SPTBN1: variants seen among roughly 807,000 people sequenced by gnomAD.
SPTBN1 encodes the protein spectrin beta chain, non-erythrocytic 1.
Under a neutral mutation model 266.4 loss-of-function variants are expected in SPTBN1, and 32 were observed. That is an observed-to-expected ratio of 0.12 (90% CI 0.09 to 0.16). SPTBN1 has a LOEUF of 0.16. SPTBN1 is among the 10% of genes least tolerant of loss of function. SPTBN1 has a pLI of 1.00. For synonymous variants in SPTBN1, 1,336 were observed against 1,162.2 expected, an observed-to-expected ratio of 1.15 and a Z score of -3.04; for missense variants, 2,296 against 3,067.1, an observed-to-expected ratio of 0.75 and a Z score of 5.94.
At position 54,631,218 on chromosome 2, in the gene SPTBN1, C is replaced by T. The variant is rs760678740; in HGVS notation, c.3171C>T (p.Ser1057=). Residue 1057 remains serine (S), a synonymous_variant, in exon 16 of 36, where the codon TCC becomes TCT. Coordinates refer to ENST00000356805, the MANE Select transcript of SPTBN1 (RefSeq NM_003128.3). Reference sequence around the variant, plus strand: ...CCACCCTGAAAAACCGAGAGGCCTCCCTGGGAGAGGCCAGCAAGCTGCAGC... The same window carrying T: ...CCACCCTGAAAAACCGAGAGGCCTCTCTGGGAGAGGCCAGCAAGCTGCAGC... ...MKTTLKNREA[S]LGEASKLQQF... 1 of 1,614,210 alleles carries T rather than the reference C, an allele frequency of 6.2e-7. No individual in the cohort carries two copies.
At position 54,487,830 on chromosome 2, in the gene SPTBN1, G is replaced by GTC. The variant is rs368004844; in HGVS notation, c.-48+31314_-48+31315dup. Among the ~76,000 whole-genome samples the GTC allele has an allele frequency of 1.2e-3, 7 of 5,946 alleles. 2 individuals are homozygous for GTC. The highest frequency in any genetic ancestry group is 9.1e-3 in the South Asian group (1 of 110). 3.9% of individuals were successfully genotyped at this position (5,946 alleles called of 152,430 possible). A position where few individuals can be genotyped will look rare whatever the true frequency, so the allele number is the denominator to read the frequency against. Reference sequence around the variant, plus strand: ...AATTCACTTGATGGTCTCCTCCTGTGTCTTTTTTTTTTTTTTTGAGACGGA... The same window carrying GTC: ...AATTCACTTGATGGTCTCCTCCTGTGTCTCTTTTTTTTTTTTTTTGAGACGGA... On this transcript the variant is annotated intron_variant, in intron 1 of 35. Coordinates refer to ENST00000356805, the MANE Select transcript of SPTBN1 (RefSeq NM_003128.3).
chr2:54,510,998 C>T (rs1159195042), intron 1 of SPTBN1, among the ~76,000 whole-genome samples: 1 of 152,234 alleles, frequency 6.6e-6, no homozygotes, highest in Non-Finnish European at 1.5e-5. Context: ...CTGTGACTTT[C>T]TGGAAAGTGT....
intron 2 of SPTBN1, 95 bp downstream of exon 2, chr2:54,526,661 C>G (rs180803592): frequency 4.3e-6 from 6 of 1,395,048 alleles, no homozygotes; most frequent in Non-Finnish European, 9.5e-7. Flanking sequence ...CTGTCATGTT[C>G]GAAGGTTGTC....
At chr2:54,578,075 A>AT (rs1674610386) in intron 2 of SPTBN1, among the ~76,000 whole-genome samples, 1 of 152,224 alleles carries the variant, frequency 6.6e-6, no homozygotes, top group Non-Finnish European at 1.5e-5. Context: ...GACTCAGCTG[A>AT]CAGTACAGAC....
chr2:54,522,632 A>AAAAAAAAG (rs1407418539), intron 1 of SPTBN1, among the ~76,000 whole-genome samples: 2 of 93,662 alleles, frequency 2.1e-5, no homozygotes, highest in African/African-American at 4.0e-5. Context: ...CTCTGTCTCA[A>AAAAAAAAG]AAAGAAAGAA....
In SPTBN1 at chr2:54,629,037, G is replaced by A; in HGVS notation, c.1903G>A (p.Glu635Lys). The A allele has an allele frequency of 6.2e-7, 1 of 1,613,684 alleles. No homozygotes were observed. The highest frequency in any genetic ancestry group is 2.2e-5 in the East Asian group (1 of 44,894). Residue 635 changes from glutamate (E) to lysine (K), a missense_variant, in exon 14 of 36, where the codon GAA becomes AAA. Around this residue, in one of 12 missense-constraint regions of SPTBN1, gnomAD observed 434 missense variants for 573.9 expected, o/e 0.76. Coordinates refer to ENST00000356805, the MANE Select transcript of SPTBN1 (RefSeq NM_003128.3). Reference sequence around the variant, plus strand: ...GGCGGCTGAGCGCAGGGCCCGTCTGGAAGAGTCCCGCCGCCTCTGGAAGTT... The same window carrying A: ...GGCGGCTGAGCGCAGGGCCCGTCTGAAAGAGTCCCGCCGCCTCTGGAAGTT... ...QLAAERRARL[E>K]ESRRLWKFFW...
chr2:54,501,153 G>A (rs957938705), intron 1 of SPTBN1, among the ~76,000 whole-genome samples: 2 of 152,194 alleles, frequency 1.3e-5, no homozygotes, highest in Admixed American at 6.5e-5. Flanking sequence ...CAGAGAGCAG[G>A]ACTCTGGGGT....
In SPTBN1 at chr2:54,558,047, G is replaced by T; in HGVS notation, c.148+31481G>T. ...GGCTCTTCACTCTCCAGGCCGTCCC[G>T]TGGGCGCGCTAGCCTTTTCAAGTGA... is the stretch of plus-strand genomic sequence containing the variant. On this transcript the variant is annotated intron_variant, in intron 2 of 35. Coordinates refer to ENST00000356805, the MANE Select transcript of SPTBN1 (RefSeq NM_003128.3). The surrounding 1 kb of genome is among the most constrained non-coding windows in gnomAD (Gnocchi z 4.6). 2.0e-6 allele frequency: 2 copies of T among 985,272 alleles called. No homozygotes were observed. The highest frequency in any genetic ancestry group is 2.4e-6 in the Non-Finnish European group (2 of 829,896). The allele number at this position is 985,272 out of a possible 1,614,324, so 61.0% of individuals were successfully genotyped here.
At chr2:54,661,030 C>A in intron 32 of SPTBN1, 1 of 985,382 alleles carries the variant, frequency 1.0e-6, no homozygotes, top group Non-Finnish European at 1.2e-6. Flanking sequence ...GTGGACCGTG[C>A]CTGGGAGCGC....
At position 54,646,543 on chromosome 2, in the gene SPTBN1, G is replaced by A; in HGVS notation, c.4866+68G>A. On this transcript the variant is annotated intron_variant, in intron 23 of 35. Transcript: ENST00000356805. The surrounding 1 kb of genome is among the most constrained non-coding windows in gnomAD (Gnocchi z 4.4). ...GATTCAAACCCTGGGCACACTTTCTGCTGGCGGCTCTGTCTGTATAAAAAC... is the reference window on the plus strand; with the variant it reads ...GATTCAAACCCTGGGCACACTTTCTACTGGCGGCTCTGTCTGTATAAAAAC... 1 of 1,424,568 alleles carries A rather than the reference G, an allele frequency of 7.0e-7. No homozygotes were observed. The highest frequency in any genetic ancestry group is 3.0e-5 in the Admixed American group (1 of 33,166). 88.2% of individuals were successfully genotyped at this position (1,424,568 alleles called of 1,614,324 possible). A position where few individuals can be genotyped will look rare whatever the true frequency, so the allele number is the denominator to read the frequency against.
At chr2:54,506,759 C>T (rs1669580330) in intron 1 of SPTBN1, among the ~76,000 whole-genome samples, 3 of 152,156 alleles carry the variant, frequency 2.0e-5, no homozygotes. Flanking sequence ...ATTATTTAAA[C>T]ACCATCGTAG....
chr2:54,499,454 G>A (rs980195495), intron 1 of SPTBN1, among the ~76,000 whole-genome samples: 1 of 152,186 alleles, frequency 6.6e-6, no homozygotes, highest in Non-Finnish European at 1.5e-5. Flanking sequence ...GACAAGAAAT[G>A]GACATAATGG....
intron 12 of SPTBN1, among the ~76,000 whole-genome samples, chr2:54,627,896 G>A (rs1678461183): frequency 6.6e-6 from 1 of 150,606 alleles, no homozygotes; most frequent in Non-Finnish European, 1.5e-5. Context: ...GTTTGTGATA[G>A]CTCTCCTGAC....
chr2:54,669,336 A>G lies in SPTBN1; in HGVS notation c.*767A>G, dbSNP rs922090319. ...AGATGTATAATAAACCCTTTAAATC[A>G]TTGGTAAGTGTACAAGTGGTGGAAC... is the stretch of plus-strand genomic sequence containing the variant. On this transcript the variant is annotated 3_prime_UTR_variant, in exon 36 of 36. Coordinates refer to ENST00000356805, the MANE Select transcript of SPTBN1 (RefSeq NM_003128.3). The G allele has an allele frequency of 3.3e-5, 5 of 152,574 alleles. No homozygotes were observed. The highest frequency in any genetic ancestry group is 1.2e-4 in the African/African-American group (5 of 41,430). 9.5% of individuals were successfully genotyped at this position (152,574 alleles called of 1,614,324 possible). A position where few individuals can be genotyped will look rare whatever the true frequency, so the allele number is the denominator to read the frequency against.
At chr2:54,613,496 G>C (rs56371310) in intron 4 of SPTBN1, among the ~76,000 whole-genome samples, 39 of 152,340 alleles carry the variant, frequency 2.6e-4, no homozygotes, top group Non-Finnish European at 4.7e-4. Context: ...AGAAGGGGTA[G>C]GGGACTAGAA....
At chr2:54,539,613 C>T (rs1025195815) in intron 2 of SPTBN1, among the ~76,000 whole-genome samples, 3 of 152,174 alleles carry the variant, frequency 2.0e-5, no homozygotes, top group Non-Finnish European at 2.9e-5. Flanking sequence ...GATTTTGGCT[C>T]ATTGCGACCT....
intron 18 of SPTBN1, among the ~76,000 whole-genome samples, chr2:54,642,261 G>A (rs1278842274): frequency 1.3e-5 from 2 of 152,178 alleles, no homozygotes; most frequent in African/African-American, 2.4e-5. Flanking sequence ...GTCTGTCAGC[G>A]GCCAGCAGCC....
chr2:54,614,342 C>T (rs1416732301), intron 4 of SPTBN1, among the ~76,000 whole-genome samples: 1 of 152,112 alleles, frequency 6.6e-6, no homozygotes, highest in African/African-American at 2.4e-5. Context: ...TCTCTCCTTC[C>T]ACCAGCTCCT....
chr2:54,581,292 C>T (rs367743387), intron 2 of SPTBN1, among the ~76,000 whole-genome samples: 1 of 152,100 alleles, frequency 6.6e-6, no homozygotes, highest in Non-Finnish European at 1.5e-5. Flanking sequence ...AAGTACTTCT[C>T]ATTAGTAAAA....
Sources: allele counts gnomAD v4.1 joint callset (sites outside exome capture counted in the v4.1 genomes callset), GRCh38; gene constraint gnomAD v4.1.1; regional missense constraint gnomAD v4.1.1; non-coding constraint Gnocchi (gnomAD v3.1); transcripts MANE v1.5; gene names NCBI Gene and HGNC (gene_info 2026-07-23, HGNC 2026-07-21).